DGKH: variants seen among roughly 807,000 people sequenced by gnomAD.
The protein encoded by DGKH is DAG kinase eta.
In DGKH, 90 loss-of-function variants were observed where a neutral mutation model predicts 159.3. The ratio of observed to expected loss-of-function variants is 0.57; its 90% CI spans 0.48 to 0.67. The LOEUF (loss-of-function observed/expected upper bound fraction) is 0.67. DGKH is among the 30% of genes least tolerant of loss of function. The probability of loss-of-function intolerance (pLI) is 0.00; values close to 1 mark genes in which losing one functional copy is unlikely to be tolerated. For synonymous variants in DGKH, 536 were observed against 553.8 expected (o/e 0.97, Z 0.45); for missense variants, 1,181 against 1,506.1 (o/e 0.78, Z 3.57).
intron 3 of DGKH, among the ~76,000 whole-genome samples, chr13:42,138,545 G>A (rs1442972206): frequency 3.3e-5 from 5 of 152,184 alleles, no homozygotes; most frequent in African/African-American, 9.7e-5. Flanking sequence ...AGTGACATTT[G>A]TAAACTGTAG....
intron 29 of DGKH, among the ~76,000 whole-genome samples, chr13:42,251,832 AC>A (rs890414877): frequency 6.6e-6 from 1 of 152,030 alleles, no homozygotes; most frequent in Non-Finnish European, 1.5e-5. Context: ...CCCATTACAT[AC>A]CCCCCACTAA....
At chr13:42,215,861 A>G (rs1437302341) in intron 26 of DGKH, among the ~76,000 whole-genome samples, 194 bp downstream of exon 26, 2 of 152,216 alleles carry the variant, frequency 1.3e-5, no homozygotes, top group Non-Finnish European at 2.9e-5. Flanking sequence ...GATTCAGGCT[A>G]ACAGGAGTGG....
chr13:42,170,382 C>A (rs1202849269), intron 11 of DGKH, among the ~76,000 whole-genome samples: 2 of 151,962 alleles, frequency 1.3e-5, no homozygotes, highest in African/African-American at 4.8e-5. Flanking sequence ...CACTGCCCTA[C>A]AATCTGGGCG....
At chr13:42,040,417 C>T (rs1361265156) in intron 1 of DGKH, among the ~76,000 whole-genome samples, 1 of 151,898 alleles carries the variant, frequency 6.6e-6, no homozygotes, top group African/African-American at 2.4e-5. Context: ...CCGTGACCAC[C>T]CGGCGGCCGC....
intron 1 of DGKH, among the ~76,000 whole-genome samples, chr13:42,041,381 G>A (rs1880495392): frequency 6.6e-6 from 1 of 152,156 alleles, no homozygotes; most frequent in African/African-American, 2.4e-5. Flanking sequence ...GCGCGGCGCG[G>A]AGCCCAGAAC....
intron 20 of DGKH, among the ~76,000 whole-genome samples, chr13:42,205,779 T>G (rs1274842892): frequency 6.6e-6 from 1 of 152,162 alleles, no homozygotes; most frequent in Non-Finnish European, 1.5e-5. Context: ...AGAAAAGGAC[T>G]CCCTGGTTTT....
intron 12 of DGKH, among the ~76,000 whole-genome samples, chr13:42,174,999 C>G (rs1004356611): frequency 6.6e-6 from 1 of 152,218 alleles, no homozygotes; most frequent in African/African-American, 2.4e-5. Flanking sequence ...ATTCAGCATT[C>G]TGATTAAACC....
At chr13:42,066,642 A>G (rs532627855) in intron 1 of DGKH, 63 of 152,330 alleles carry the variant, frequency 4.1e-4, no homozygotes, top group African/African-American at 1.4e-3. Context: ...CCCAATGTGC[A>G]CATTCGCAGC....
intron 1 of DGKH, among the ~76,000 whole-genome samples, chr13:42,041,694 C>T (rs978491543): frequency 2.0e-5 from 3 of 152,134 alleles, no homozygotes; most frequent in South Asian, 2.1e-4. Flanking sequence ...CCCGGAATCC[C>T]CCTCTCACTC....
chr13:42,216,261 A>T (rs1036255286), intron 26 of DGKH, among the ~76,000 whole-genome samples: 1 of 152,232 alleles, frequency 6.6e-6, no homozygotes, highest in East Asian at 1.9e-4. Context: ...GCCTTTCTTT[A>T]TAAATACCTC....
At chr13:42,158,099 C>T (rs1054142089) in intron 5 of DGKH, among the ~76,000 whole-genome samples, 1 of 152,174 alleles carries the variant, frequency 6.6e-6, no homozygotes, top group African/African-American at 2.4e-5. Flanking sequence ...TCAGTTTAAC[C>T]ATCCATTTGT....
At chr13:42,171,525 A>G (rs1249692565) in intron 11 of DGKH, among the ~76,000 whole-genome samples, 1 of 152,234 alleles carries the variant, frequency 6.6e-6, no homozygotes, top group African/African-American at 2.4e-5. Flanking sequence ...GGAGGGTGCA[A>G]GGAACTCAGA....
chr13:42,199,963 T>A, intron 20 of DGKH, 54 bp downstream of exon 20: 1 of 1,472,306 alleles, frequency 6.8e-7, no homozygotes, highest in Admixed American at 2.3e-5. Flanking sequence ...AAAAAAAATA[T>A]CGTTTTGGAG....
chr13:42,252,330 C>T (rs1035833182), intron 29 of DGKH: 1 of 152,080 alleles, frequency 6.6e-6, no homozygotes, highest in Non-Finnish European at 1.5e-5. Flanking sequence ...GTCTATTTTT[C>T]TGTAAGTACT....
rs139273044 is a variant in DGKH, at chr13:42,064,864, T to G, written c.192+15899T>G. The stretch of plus-strand genomic sequence containing the variant: ...AAAGAAAGTATCCTAAAGAAAGAAA[T>G]AAATCTGATTTGGATTTTTTTTTTT... On this transcript the variant is annotated intron_variant, in intron 1 of 29. Transcript: ENST00000337343. 5.7e-3 allele frequency among the ~76,000 whole-genome samples: 871 copies of G among 152,092 alleles called. 15 individuals are homozygous for G. Among genetic ancestry groups the G allele is most frequent in the African/African-American group, 0.02 (811 of 41,490 alleles).
At chr13:42,191,601 CATG>C (rs765326826) in intron 16 of DGKH, among the ~76,000 whole-genome samples, 3 of 152,108 alleles carry the variant, frequency 2.0e-5, no homozygotes, top group Non-Finnish European at 2.9e-5. Flanking sequence ...TGAGCTGTGG[CATG>C]ATGAAGACCT....
intron 3 of DGKH, among the ~76,000 whole-genome samples, chr13:42,134,142 T>C (rs1046879475): frequency 6.6e-6 from 1 of 152,190 alleles, no homozygotes; most frequent in African/African-American, 2.4e-5. Context: ...GAAAACCCAG[T>C]GCTGAACTCT....
intron 12 of DGKH, among the ~76,000 whole-genome samples, chr13:42,174,938 C>T (rs1048632506): frequency 1.3e-5 from 2 of 152,162 alleles, no homozygotes; most frequent in Non-Finnish European, 2.9e-5. Context: ...TAAAGAAAGA[C>T]CACTTAATTC....
At position 42,189,214 on chromosome 13, in the gene DGKH, C is replaced by T; in HGVS notation, c.1817C>T (p.Pro606Leu). ...CAGCTTGGGGATGACGTTACAAAAC[C>T]TTCCTCCCAGAAAGCCGTCAAACCA... ...KEQLGDDVTK[P>L]SSQKAVKPRE... The change falls in exon 15 of 30, where the codon CCT becomes CTT. Residue 606 changes from proline to leucine, a missense_variant. Transcript: ENST00000337343. The T allele has an allele frequency of 1.9e-6, 3 of 1,614,208 alleles. No individual in the cohort carries two copies. The highest frequency in any genetic ancestry group is 1.3e-5 in the African/African-American group (1 of 75,060).
Sources: gnomAD v4.1 joint callset for allele counts (sites outside exome capture counted in the v4.1 genomes callset) on GRCh38, gnomAD v4.1.1 for gene constraint, MANE v1.5 for transcripts, NCBI Gene and HGNC (gene_info 2026-07-23, HGNC 2026-07-21) for gene names.